The following TMEM132D variants were observed in gnomAD, a reference collection of about 807,000 sequenced individuals.
TMEM132D encodes the protein transmembrane protein 132D.
A neutral mutation model predicts 62.3 loss-of-function variants in TMEM132D; 21 were observed. The observed-to-expected ratio is 0.34, with a 90% CI of 0.24 to 0.49. TMEM132D has a LOEUF of 0.49. Among genes scored for constraint, TMEM132D ranks in the 20% least tolerant of loss-of-function variants. TMEM132D has a pLI of 0.99. For synonymous variants in TMEM132D, 621 were observed against 575.6 expected, an observed-to-expected ratio of 1.08 and a Z score of -1.13; for missense variants, 1,346 against 1,402.8, an observed-to-expected ratio of 0.96 and a Z score of 0.65.
At chr12:129,563,725 G>A (rs1396865682) in intron 2 of TMEM132D, among the ~76,000 whole-genome samples, 1 of 152,124 alleles carries the variant, frequency 6.6e-6, no homozygotes, top group African/African-American at 2.4e-5. Context: ...GAAGACAAGA[G>A]GGAGGGTCAA....
chr12:129,253,766 C>G (rs1880330445), intron 4 of TMEM132D, among the ~76,000 whole-genome samples: 1 of 152,106 alleles, frequency 6.6e-6, no homozygotes, highest in Non-Finnish European at 1.5e-5. Context: ...GACCTACTTT[C>G]ATGTAAACTT....
chr12:129,078,404 A>AGAT, intron 8 of TMEM132D, 130 bp downstream of exon 8: 2 of 864,366 alleles, frequency 2.3e-6, no homozygotes, highest in East Asian at 5.0e-5. Flanking sequence ...AGCCCTTTGC[A>AGAT]GATGGAGAAA....
At chr12:129,449,998 G>T (rs750754079) in intron 3 of TMEM132D, among the ~76,000 whole-genome samples, 1 of 152,130 alleles carries the variant, frequency 6.6e-6, no homozygotes, top group Non-Finnish European at 1.5e-5. Flanking sequence ...CCATATGATT[G>T]TTGGCCACAT....
At chr12:129,321,713 C>T (rs951166020) in intron 4 of TMEM132D, among the ~76,000 whole-genome samples, 6 of 152,000 alleles carry the variant, frequency 3.9e-5, no homozygotes, top group South Asian at 2.1e-4. Flanking sequence ...CGCCCGCCAC[C>T]ACGCCCAGCT....
At chr12:129,170,710 A>G (rs1253028669) in intron 5 of TMEM132D, among the ~76,000 whole-genome samples, 1 of 152,078 alleles carries the variant, frequency 6.6e-6, no homozygotes, top group Non-Finnish European at 1.5e-5. Context: ...CTGTAGTCCC[A>G]GCTACTAGGG....
intron 5 of TMEM132D, among the ~76,000 whole-genome samples, chr12:129,161,983 T>C (rs961250059): frequency 2.6e-5 from 4 of 152,176 alleles, no homozygotes; most frequent in African/African-American, 9.6e-5. Context: ...CACAAAGCCC[T>C]GACAATTTTG....
At chr12:129,801,379 C>T (rs1471850940) in intron 1 of TMEM132D, among the ~76,000 whole-genome samples, 2 of 151,282 alleles carry the variant, frequency 1.3e-5, no homozygotes, top group Non-Finnish European at 3.0e-5. Flanking sequence ...GGTCCCTGAC[C>T]CCTGACCCCC....
At position 129,407,343 on chromosome 12, in the gene TMEM132D, G is replaced by A. The variant is rs1004310161; in HGVS notation, c.1116-69526C>T. 4.9e-4 allele frequency among the ~76,000 whole-genome samples: 74 copies of A among 152,088 alleles called. 1 individual carries two copies. Among genetic ancestry groups the A allele is most frequent in the Non-Finnish European group, 1.8e-4 (12 of 68,034 alleles). ...TTGTAACACTCTTTGTCACTTCTTCGTCTGTCAGAATTCTGGGATCCTTGG... is the reference window on the plus strand; with the variant it reads ...TTGTAACACTCTTTGTCACTTCTTCATCTGTCAGAATTCTGGGATCCTTGG... On this transcript the variant is annotated intron_variant, in intron 3 of 8. Transcript: ENST00000422113.
chr12:129,841,153 G>A (rs897190085), intron 1 of TMEM132D, among the ~76,000 whole-genome samples: 11 of 152,144 alleles, frequency 7.2e-5, no homozygotes, highest in African/African-American at 2.7e-4. Flanking sequence ...GCACCCCTGT[G>A]TATATACATA....
chr12:129,101,037 T>C (rs1049175241), intron 5 of TMEM132D, among the ~76,000 whole-genome samples: 1 of 151,438 alleles, frequency 6.6e-6, no homozygotes, highest in South Asian at 2.1e-4. Context: ...GGTCTAAGCT[T>C]TGCAGCGCTA....
At chr12:129,337,883 A>C in intron 3 of TMEM132D, 66 bp from the exon 4 acceptor site, 3 of 1,503,838 alleles carry the variant, frequency 2.0e-6, no homozygotes, top group Non-Finnish European at 2.7e-6. Flanking sequence ...CTTGGCAGAG[A>C]GTGGGCGGCC....
At chr12:129,077,500 T>TAACA (rs1874301494) in intron 8 of TMEM132D, among the ~76,000 whole-genome samples, 1 of 151,994 alleles carries the variant, frequency 6.6e-6, no homozygotes. Context: ...AGGTCCCCTA[T>TAACA]AACAGTCCCC....
At chr12:129,548,713 AG>A (rs10710904) in intron 2 of TMEM132D, among the ~76,000 whole-genome samples, 132,208 of 152,060 alleles carry the variant, frequency 0.87, 57,556 homozygotes, top group East Asian at 0.99. Flanking sequence ...CCTAACATCA[AG>A]GGGGGGTGAG....
chr12:129,709,947 T>G (rs1881601780), intron 1 of TMEM132D, among the ~76,000 whole-genome samples: 2 of 152,200 alleles, frequency 1.3e-5, no homozygotes, highest in South Asian at 4.1e-4. Context: ...GAAAATTTAT[T>G]TTAAAAGCAT....
intron 3 of TMEM132D, among the ~76,000 whole-genome samples, chr12:129,350,460 G>A (rs926044577): frequency 2.6e-5 from 4 of 152,142 alleles, no homozygotes; most frequent in Admixed American, 6.5e-5. Context: ...ACAGGCCAAC[G>A]GAACACAAGA....
intron 3 of TMEM132D, among the ~76,000 whole-genome samples, chr12:129,460,673 G>T (rs564357086): frequency 6.6e-6 from 1 of 152,242 alleles, no homozygotes; most frequent in Non-Finnish European, 1.5e-5. Context: ...GTTTGCATTC[G>T]GGAGAGCCAA....
chr12:129,716,822 TAA>T (rs1868595599), intron 1 of TMEM132D, among the ~76,000 whole-genome samples: 1 of 152,178 alleles, frequency 6.6e-6, no homozygotes, highest in Non-Finnish European at 1.5e-5. Context: ...GTTAAACCAC[TAA>T]GTTTGTGGTG....
chr12:129,495,641 C>A (rs1211332031), intron 3 of TMEM132D, among the ~76,000 whole-genome samples: 1 of 152,158 alleles, frequency 6.6e-6, no homozygotes, highest in Admixed American at 6.5e-5. Context: ...CTGAGCTGCT[C>A]CCACCACTCC....
At chr12:129,552,943 T>C (rs996248102) in intron 2 of TMEM132D, among the ~76,000 whole-genome samples, 1 of 152,198 alleles carries the variant, frequency 6.6e-6, no homozygotes, top group African/African-American at 2.4e-5. Flanking sequence ...GATCCTGGCA[T>C]TTAAGGTCAT....
Sources: gnomAD v4.1 joint callset for allele counts (sites outside exome capture counted in the v4.1 genomes callset) on GRCh38, gnomAD v4.1.1 for gene constraint, MANE v1.5 for transcripts, NCBI Gene and HGNC (gene_info 2026-07-23, HGNC 2026-07-21) for gene names.